The following MBNL2 variants were observed in gnomAD, a reference collection of about 807,000 sequenced individuals.
The protein encoded by MBNL2 is muscleblind-like protein 2.
In MBNL2, 17 loss-of-function variants were observed where a neutral mutation model predicts 41.9. That is an observed-to-expected ratio of 0.41 (90% CI 0.28 to 0.61). The LOEUF is 0.61. Ranked by LOEUF, MBNL2 falls within the 20% of genes least tolerant of loss-of-function variation. MBNL2 has a pLI of 0.35. For synonymous variants in MBNL2, 195 were observed against 182.9 expected (o/e 1.07, Z -0.53); for missense variants, 336 against 505.6 (o/e 0.66, Z 3.22).
intron 1 of MBNL2, among the ~76,000 whole-genome samples, chr13:97,241,114 C>G (rs2044190332): frequency 6.6e-6 from 1 of 152,196 alleles, no homozygotes; most frequent in South Asian, 2.1e-4. Flanking sequence ...TTGCTCAGAG[C>G]ATGAATATGT....
intron 1 of MBNL2, among the ~76,000 whole-genome samples, chr13:97,224,260 C>G (rs1472708581): frequency 6.6e-6 from 1 of 152,152 alleles, no homozygotes; most frequent in Non-Finnish European, 1.5e-5. Flanking sequence ...GGTTGTGCCA[C>G]CAAGTTCAAG....
the MBNL2 span, among the ~76,000 whole-genome samples, chr13:97,211,432 A>G: frequency 6.6e-6 from 1 of 152,178 alleles, no homozygotes; most frequent in Non-Finnish European, 1.5e-5. Flanking sequence ...CACAATTCTC[A>G]TTTTGTTTTG....
chr13:97,232,405 CATTTATTGA>C (rs2042508681), intron 1 of MBNL2, among the ~76,000 whole-genome samples: 1 of 152,178 alleles, frequency 6.6e-6, no homozygotes, highest in African/African-American at 2.4e-5. Context: ...ACAGAACTAA[CATTTATTGA>C]ATTTATTGAG....
intron 8 of MBNL2, among the ~76,000 whole-genome samples, chr13:97,372,776 T>A (rs2153138119): frequency 6.6e-6 from 1 of 152,326 alleles, no homozygotes; most frequent in Non-Finnish European, 1.5e-5. Flanking sequence ...GTTATTTGTA[T>A]ATGGGTTCTT....
At chr13:97,299,741 T>A (rs899907563) in intron 2 of MBNL2, among the ~76,000 whole-genome samples, 2 of 152,128 alleles carry the variant, frequency 1.3e-5, no homozygotes, top group African/African-American at 4.8e-5. Flanking sequence ...CAAAACGTAT[T>A]ACTTAGTAGG....
chr13:97,145,325 A>C, the MBNL2 span, among the ~76,000 whole-genome samples: 1 of 152,364 alleles, frequency 6.6e-6, no homozygotes, highest in East Asian at 1.9e-4. Context: ...GGCTAAAAAA[A>C]GCAACATGAT....
chr13:97,160,128 T>G, the MBNL2 span, among the ~76,000 whole-genome samples: 1 of 152,218 alleles, frequency 6.6e-6, no homozygotes, highest in African/African-American at 2.4e-5. Context: ...AATTTTCTTA[T>G]GTTTAAAAAA....
the MBNL2 span, among the ~76,000 whole-genome samples, chr13:97,190,322 C>T: frequency 7.9e-5 from 12 of 152,352 alleles, no homozygotes; most frequent in African/African-American, 2.2e-4. Flanking sequence ...GATACTGATA[C>T]TCCCTTCCCG....
At chr13:97,367,150 G>A (rs2063913710) in intron 8 of MBNL2, among the ~76,000 whole-genome samples, 1 of 152,218 alleles carries the variant, frequency 6.6e-6, no homozygotes, top group Admixed American at 6.5e-5. Context: ...AACTCACAAA[G>A]GCTGGATATA....
intron 1 of MBNL2, among the ~76,000 whole-genome samples, chr13:97,267,162 T>C (rs548925165): frequency 3.8e-4 from 58 of 152,322 alleles, no homozygotes; most frequent in African/African-American, 1.4e-3. Context: ...CCAGCTTGTC[T>C]GAGAGGCGTG....
At chr13:97,221,336 GT>G (rs372370016), upstream of MBNL2, 179 of 151,812 alleles carry the variant, frequency 1.2e-3, no homozygotes, top group African/African-American at 4.1e-3. Context: ...TTGAGTTTTT[GT>G]TTTCAAGGCA....
the MBNL2 span, among the ~76,000 whole-genome samples, chr13:97,171,369 C>T: frequency 6.6e-6 from 1 of 152,078 alleles, no homozygotes; most frequent in African/African-American, 2.4e-5. Context: ...TGAAAGCTGA[C>T]AGTGCCAGAA....
intron 1 of MBNL2, among the ~76,000 whole-genome samples, chr13:97,239,187 C>T (rs2152805722): frequency 6.6e-6 from 1 of 152,324 alleles, no homozygotes; most frequent in South Asian, 2.1e-4. Context: ...TTATTATTTT[C>T]TTTAGCTTTT....
intron 8 of MBNL2, among the ~76,000 whole-genome samples, chr13:97,370,615 G>C (rs1344937647): frequency 6.6e-6 from 1 of 151,484 alleles, no homozygotes; most frequent in Non-Finnish European, 1.5e-5. Context: ...GTTGCAGTGA[G>C]CTGAGATCGC....
the MBNL2 span, among the ~76,000 whole-genome samples, chr13:97,143,889 G>T: frequency 2.6e-5 from 4 of 152,134 alleles, no homozygotes; most frequent in African/African-American, 9.7e-5. Context: ...TGTCACCCAG[G>T]CTGGAGTGCA....
chr13:97,152,538 G>A, the MBNL2 span, among the ~76,000 whole-genome samples: 1 of 152,062 alleles, frequency 6.6e-6, no homozygotes, highest in Non-Finnish European at 1.5e-5. Flanking sequence ...ATTGTATAAA[G>A]CTTTCAGAAA....
At chr13:97,320,632 G>T (rs538306941) in intron 2 of MBNL2, among the ~76,000 whole-genome samples, 3 of 152,106 alleles carry the variant, frequency 2.0e-5, no homozygotes, top group South Asian at 4.1e-4. Context: ...GGCCATCTTC[G>T]GCCACGCAGG....
chr13:97,230,817 C>T (rs189485657), intron 1 of MBNL2, among the ~76,000 whole-genome samples: 169 of 152,294 alleles, frequency 1.1e-3, no homozygotes, highest in African/African-American at 3.9e-3. Flanking sequence ...TGGCTGTGGT[C>T]CTTTTGGGGC....
At chr13:97,386,745 T>C (rs750507581) in intron 8 of MBNL2, among the ~76,000 whole-genome samples, 3 of 152,196 alleles carry the variant, frequency 2.0e-5, no homozygotes, top group Non-Finnish European at 2.9e-5. Context: ...TGGATTCACA[T>C]TGGGGTAACT....
Sources: allele counts gnomAD v4.1 joint callset (sites outside exome capture counted in the v4.1 genomes callset), GRCh38; gene constraint gnomAD v4.1.1; transcripts MANE v1.5; gene names NCBI Gene and HGNC (gene_info 2026-07-23, HGNC 2026-07-21).